The following ATRX variants were observed in gnomAD, a reference collection of about 807,000 sequenced individuals.
ATRX encodes ATRX chromatin remodeler, also known as chromatin remodeler ATRX.
ATRX carries 12 observed loss-of-function variants against 172.6 expected under a neutral mutation model. The ratio of observed to expected loss-of-function variants is 0.07; its 90% CI spans 0.04 to 0.11. The LOEUF (loss-of-function observed/expected upper bound fraction) is 0.11, where lower values mean the gene tolerates loss of function less well. ATRX is among the 10% of genes least tolerant of loss of function. The pLI is 1.00. For synonymous variants in ATRX, 674 were observed against 594.7 expected, an observed-to-expected ratio of 1.13 and a Z score of -1.94; for missense variants, 1,368 against 1,767.4, an observed-to-expected ratio of 0.77 and a Z score of 4.05.
intron 30 of ATRX, among the ~76,000 whole-genome samples, chrX:77,536,827 A>C (rs1037730955): frequency 9.0e-6 from 1 of 111,482 alleles, no homozygotes; most frequent in African/African-American, 3.3e-5. Flanking sequence ...GAATGATTTA[A>C]ATTATATATA....
intron 23 of ATRX, 64 bp downstream of exon 23, chrX:77,600,370 C>G (rs1309180568): frequency 1.6e-5 from 19 of 1,173,272 alleles, no homozygotes; most frequent in Non-Finnish European, 2.0e-5. Context: ...GTCTGTAGGT[C>G]AATTTTTTGT....
chrX:77,675,755 G>A (rs2070834153), intron 10 of ATRX: 1 of 121,118 alleles, frequency 8.3e-6, no homozygotes, highest in African/African-American at 3.2e-5. Context: ...TATTTTGAAA[G>A]CAATTTCTTA....
At chrX:77,701,512 CA>C (rs782403250) in intron 2 of ATRX, among the ~76,000 whole-genome samples, 2,049 of 60,832 alleles carry the variant, frequency 0.034, 40 homozygotes, top group African/African-American at 0.1. Flanking sequence ...AACTCCGTCT[CA>C]AAAAAAAAAA....
At chrX:77,655,542 G>A (rs1408755071) in intron 13 of ATRX, among the ~76,000 whole-genome samples, 1 of 110,470 alleles carries the variant, frequency 9.1e-6, no homozygotes, top group Non-Finnish European at 1.9e-5. Flanking sequence ...GAGTACGAGG[G>A]CATGGGGAAT....
At chrX:77,508,694 G>C in intron 34 of ATRX, 65 bp from the exon 35 acceptor site, 1 of 1,145,589 alleles carries the variant, frequency 8.7e-7, no homozygotes, top group Non-Finnish European at 1.2e-6. Flanking sequence ...ATCAAGTTTT[G>C]ACTTAAAATC....
At chrX:77,653,526 T>A in intron 14 of ATRX, among the ~76,000 whole-genome samples, 1 of 111,549 alleles carries the variant, frequency 9.0e-6, no homozygotes, top group Non-Finnish European at 1.9e-5. Flanking sequence ...TAAATGAAAA[T>A]AGAGGTTACC....
At chrX:77,652,928 T>C (rs1166017471) in intron 14 of ATRX, among the ~76,000 whole-genome samples, 2 of 102,085 alleles carry the variant, frequency 2.0e-5, no homozygotes, top group Non-Finnish European at 3.9e-5. Context: ...AGATGTTGAA[T>C]ATCACCAGTC....
intron 30 of ATRX, among the ~76,000 whole-genome samples, chrX:77,542,723 C>T (rs782305762): frequency 8.9e-6 from 1 of 111,783 alleles, no homozygotes; most frequent in South Asian, 3.7e-4. Context: ...GGGGAAAGGA[C>T]TCCCTATTTA....
Position 77,683,608 on chromosome X carries a change from T to C in ATRX, c.1648A>G (p.Ser550Gly), listed in dbSNP as rs201284965. Residue 550 changes from serine to glycine, a missense_variant, in exon 9 of 35, where the codon AGT becomes GGT. By Grantham distance (56) the Ser-to-Gly change is moderately conservative. This residue lies in a region of ATRX where 843 missense variants were observed against 643.1 expected (regional missense o/e 1.31). Coordinates refer to ENST00000373344, the MANE Select transcript of ATRX (RefSeq NM_000489.6). ...CTCTCCACTTCTTGTTCAGTTCCAC[T>C]GCTGCCATCCCCTTGATGATCAACT... is the stretch of plus-strand genomic sequence containing the variant. ...SSVDHQGDGS[S>G]GTEQEVESSS... 178 of 1,210,256 alleles carry C rather than the reference T, an allele frequency of 1.5e-4. No individual in the cohort carries two copies. The highest frequency in any genetic ancestry group is 8.4e-5 in the Non-Finnish European group (75 of 895,190).
At chrX:77,598,520 C>T (rs1602728625) in intron 25 of ATRX, among the ~76,000 whole-genome samples, 1 of 112,126 alleles carries the variant, frequency 8.9e-6, no homozygotes, top group Non-Finnish European at 1.9e-5. Context: ...TTTATCTGAT[C>T]ACAGGATCAC....
At chrX:77,778,868 C>T (rs1391278134) in intron 1 of ATRX, among the ~76,000 whole-genome samples, 2 of 111,288 alleles carry the variant, frequency 1.8e-5, no homozygotes, top group East Asian at 5.6e-4. Context: ...TGGAATTCTC[C>T]CACAGTCTCC....
intron 10 of ATRX, among the ~76,000 whole-genome samples, chrX:77,673,150 G>A (rs1006863511): frequency 9.0e-6 from 1 of 110,610 alleles, no homozygotes; most frequent in African/African-American, 3.3e-5. Flanking sequence ...AAAATGTTTG[G>A]TCAAAATATC....
At chrX:77,514,056 G>A (rs187272849) in intron 34 of ATRX, among the ~76,000 whole-genome samples, 66 of 111,285 alleles carry the variant, frequency 5.9e-4, no homozygotes, top group African/African-American at 2.0e-3. Flanking sequence ...AACCAGGGAG[G>A]TAAAAGGTCT....
chrX:77,694,395 A>G (rs1296416107), intron 5 of ATRX, among the ~76,000 whole-genome samples: 1 of 111,303 alleles, frequency 9.0e-6, no homozygotes, highest in Non-Finnish European at 1.9e-5. Flanking sequence ...GTAGTTTTAT[A>G]TTGCAAGGGA....
chrX:77,766,146 C>T (rs1440103818), intron 1 of ATRX, among the ~76,000 whole-genome samples: 3 of 112,703 alleles, frequency 2.7e-5, no homozygotes, highest in Non-Finnish European at 5.6e-5. Flanking sequence ...ACCTTTCCCC[C>T]CTTTCTATTC....
intron 12 of ATRX, among the ~76,000 whole-genome samples, chrX:77,661,918 A>G (rs45464195): frequency 0.018 from 1,974 of 111,091 alleles, 20 homozygotes; most frequent in Middle Eastern, 0.046. Flanking sequence ...CTATCTATAG[A>G]GCAGCTTATA....
At chrX:77,647,748 T>C (rs1406177971) in intron 15 of ATRX, among the ~76,000 whole-genome samples, 3 of 111,741 alleles carry the variant, frequency 2.7e-5, no homozygotes, top group African/African-American at 9.7e-5. Context: ...TGCTAAAGCA[T>C]TTGAGATAAA....
chrX:77,739,571 C>T (rs1362873727), intron 1 of ATRX, among the ~76,000 whole-genome samples: 1 of 110,387 alleles, frequency 9.1e-6, no homozygotes, highest in Non-Finnish European at 1.9e-5. Flanking sequence ...ACATAGGGTG[C>T]TAATAATAAG....
intron 9 of ATRX, among the ~76,000 whole-genome samples, chrX:77,681,298 T>A (rs1322536398): frequency 9.0e-6 from 1 of 111,651 alleles, no homozygotes; most frequent in Non-Finnish European, 1.9e-5. Flanking sequence ...CTCAACAAAT[T>A]TGAGATCCCT....
Sources: gnomAD v4.1 joint callset for allele counts (sites outside exome capture counted in the v4.1 genomes callset) on GRCh38, gnomAD v4.1.1 for gene constraint, gnomAD v4.1.1 regional missense constraint, MANE v1.5 for transcripts, NCBI Gene and HGNC (gene_info 2026-07-23, HGNC 2026-07-21) for gene names.